The following VWC2L variants were observed in gnomAD, a reference collection of about 807,000 sequenced individuals.
The protein encoded by VWC2L is von Willebrand factor C domain containing 2 like, also known as von Willebrand factor C domain-containing protein 2-like.
In VWC2L, 10 loss-of-function variants were observed where a neutral mutation model predicts 21.6. The observed-to-expected ratio is 0.46, with a 90% confidence interval of 0.29 to 0.78. The LOEUF (loss-of-function observed/expected upper bound fraction) is 0.78. Among genes scored for constraint, VWC2L ranks in the 30% least tolerant of loss-of-function variants. The probability of loss-of-function intolerance (pLI) is 0.10; values close to 1 mark genes in which losing one functional copy is unlikely to be tolerated. For missense variants in VWC2L, 209 were observed against 277.1 expected, an observed-to-expected ratio of 0.75 and a Z score of 1.74; for synonymous variants, 96 against 94.3, an observed-to-expected ratio of 1.02 and a Z score of -0.10.
intron 2 of VWC2L, among the ~76,000 whole-genome samples, chr2:214,424,872 G>A (rs1225797717): frequency 1.3e-5 from 2 of 152,030 alleles, no homozygotes; most frequent in Admixed American, 1.3e-4. Flanking sequence ...GATTATTTAT[G>A]GAAATGTATT....
At chr2:214,494,493 C>T (rs1292983625) in intron 3 of VWC2L, among the ~76,000 whole-genome samples, 1 of 152,164 alleles carries the variant, frequency 6.6e-6, no homozygotes, top group African/African-American at 2.4e-5. Context: ...AGATGAGAGT[C>T]AGGAATGACT....
At chr2:214,501,714 T>TTC (rs1688893911) in intron 3 of VWC2L, among the ~76,000 whole-genome samples, 2 of 126,890 alleles carry the variant, frequency 1.6e-5, no homozygotes, top group Non-Finnish European at 3.3e-5. Context: ...AGAGCAAGAC[T>TTC]CTGTCTCAAA....
At position 214,576,447 on chromosome 2, in the gene VWC2L, C is replaced by A. The variant is rs1286904257; in HGVS notation, c.*627C>A. ...GCCTATTGCTGGACAGGGTTGGGAACAAGTACTTTGTCCATTACGTGGGGG... is the reference window on the plus strand; with the variant it reads ...GCCTATTGCTGGACAGGGTTGGGAAAAAGTACTTTGTCCATTACGTGGGGG... On this transcript the variant is annotated 3_prime_UTR_variant, in exon 4 of 4. Transcript: ENST00000312504. 6.6e-6 allele frequency: 1 copy of A among 152,118 alleles called. No homozygotes were observed. Among genetic ancestry groups the A allele is most frequent in the East Asian group, 1.9e-4 (1 of 5,192 alleles). 9.4% of individuals were successfully genotyped at this position (152,118 alleles called of 1,614,324 possible).
intron 3 of VWC2L, among the ~76,000 whole-genome samples, chr2:214,450,597 C>T (rs75103989): frequency 1.9e-3 from 283 of 152,214 alleles, no homozygotes; most frequent in African/African-American, 6.6e-3. Context: ...AATATGGACC[C>T]AATTAGTTGG....
chr2:214,463,202 G>A (rs1020531314), intron 3 of VWC2L, among the ~76,000 whole-genome samples: 1 of 151,968 alleles, frequency 6.6e-6, no homozygotes, highest in African/African-American at 2.4e-5. Flanking sequence ...CAGTTTGAGA[G>A]GTGGGTATTG....
chr2:214,561,809 T>TACAC (rs1267186355), intron 3 of VWC2L, among the ~76,000 whole-genome samples: 25 of 127,136 alleles, frequency 2.0e-4, no homozygotes, highest in East Asian at 1.1e-3. Context: ...TATATATATA[T>TACAC]ACACACACAT....
intron 2 of VWC2L, among the ~76,000 whole-genome samples, chr2:214,422,067 T>C (rs1464934850): frequency 6.6e-6 from 1 of 151,032 alleles, no homozygotes; most frequent in Non-Finnish European, 1.5e-5. Flanking sequence ...TTTTTGTATT[T>C]TTAGTAGAGA....
At chr2:214,559,868 T>C (rs1689939168) in intron 3 of VWC2L, among the ~76,000 whole-genome samples, 1 of 152,352 alleles carries the variant, frequency 6.6e-6, no homozygotes, top group East Asian at 1.9e-4. Flanking sequence ...CCCAAAGTGC[T>C]GGGATTATAG....
chr2:214,499,316 C>T (rs1688858824), intron 3 of VWC2L, among the ~76,000 whole-genome samples: 1 of 152,102 alleles, frequency 6.6e-6, no homozygotes, highest in South Asian at 2.1e-4. Context: ...CTGCGCCCAG[C>T]CATACCACTC....
intron 3 of VWC2L, among the ~76,000 whole-genome samples, chr2:214,533,745 C>T (rs927871442): frequency 6.6e-6 from 1 of 152,034 alleles, no homozygotes; most frequent in African/African-American, 2.4e-5. Context: ...TTTCAGTCAA[C>T]CGAATAAAGA....
At chr2:214,543,948 G>C (rs911366920) in intron 3 of VWC2L, among the ~76,000 whole-genome samples, 4 of 152,210 alleles carry the variant, frequency 2.6e-5, no homozygotes, top group African/African-American at 4.8e-5. Flanking sequence ...ATGAAGATCA[G>C]AAGGATCTAT....
At chr2:214,555,142 T>C (rs565019963) in intron 3 of VWC2L, among the ~76,000 whole-genome samples, 1 of 152,336 alleles carries the variant, frequency 6.6e-6, no homozygotes, top group African/African-American at 2.4e-5. Flanking sequence ...ATTTTAACTA[T>C]TCAGGAAGAG....
intron 2 of VWC2L, among the ~76,000 whole-genome samples, chr2:214,435,472 T>C (rs892681440): frequency 3.9e-5 from 6 of 152,182 alleles, no homozygotes; most frequent in Admixed American, 2.0e-4. Flanking sequence ...AATGAATTTT[T>C]AAAATAATTA....
intron 3 of VWC2L, among the ~76,000 whole-genome samples, chr2:214,532,362 C>T (rs1461738077): frequency 1.4e-5 from 2 of 147,522 alleles, no homozygotes; most frequent in African/African-American, 2.5e-5. Flanking sequence ...GGTAAGAACA[C>T]GCTTTTCTGA....
At chr2:214,575,069 T>G (rs1386901098) in intron 3 of VWC2L, among the ~76,000 whole-genome samples, 1 of 144,954 alleles carries the variant, frequency 6.9e-6, no homozygotes, top group Non-Finnish European at 1.5e-5. Context: ...GCCAGCAGAT[T>G]AAAGGAAGTC....
At chr2:214,514,375 A>G (rs1559314383) in intron 3 of VWC2L, among the ~76,000 whole-genome samples, 1 of 151,258 alleles carries the variant, frequency 6.6e-6, no homozygotes, top group African/African-American at 2.5e-5. Flanking sequence ...ACAGTGGAAT[A>G]TGATATTATA....
At chr2:214,522,243 C>T (rs1689252903) in intron 3 of VWC2L, among the ~76,000 whole-genome samples, 1 of 151,894 alleles carries the variant, frequency 6.6e-6, no homozygotes, top group South Asian at 2.1e-4. Context: ...TGCGTGGTGG[C>T]GGGAGCCTGT....
At chr2:214,517,955 AG>A (rs1302381171) in intron 3 of VWC2L, among the ~76,000 whole-genome samples, 4 of 152,210 alleles carry the variant, frequency 2.6e-5, no homozygotes, top group Non-Finnish European at 5.9e-5. Context: ...TCACGAGGTC[AG>A]GAGATCGAGA....
rs141591062 is a variant in VWC2L at position 214,457,396 on chromosome 2, T to G, written c.520+20638T>G. ...TTCTGCAATTTATCAGATCCAAAAGTTTTTGGTGTAATCTTTAGGTTTATT... is the reference window on the plus strand; with the variant it reads ...TTCTGCAATTTATCAGATCCAAAAGGTTTTGGTGTAATCTTTAGGTTTATT... On this transcript the variant is annotated intron_variant, in intron 3 of 3. Coordinates refer to ENST00000312504, the MANE Select transcript of VWC2L (RefSeq NM_001080500.4). 2.0e-5 allele frequency among the ~76,000 whole-genome samples: 3 copies of G among 152,198 alleles called. No homozygotes were observed. In the East Asian group the frequency reaches 5.8e-4, roughly 29 times the overall value.
Sources: gnomAD v4.1 joint callset for allele counts (sites outside exome capture counted in the v4.1 genomes callset) on GRCh38, gnomAD v4.1.1 for gene constraint, MANE v1.5 for transcripts, NCBI Gene and HGNC (gene_info 2026-07-23, HGNC 2026-07-21) for gene names.